Variants in MACROD2 observed in about 807,000 individuals in gnomAD.
MACROD2 encodes the protein mono-ADP ribosylhydrolase 2.
A neutral mutation model predicts 70.4 loss-of-function variants in MACROD2; 36 were observed. The observed-to-expected ratio is 0.51, with a 90% confidence interval of 0.39 to 0.68. The LOEUF (loss-of-function observed/expected upper bound fraction) is 0.68. Ranked by LOEUF, MACROD2 falls within the 30% of genes least tolerant of loss-of-function variation. MACROD2 has a pLI of 0.00. For synonymous variants in MACROD2, 172 were observed against 178.8 expected (o/e 0.96, Z 0.30); for missense variants, 496 against 538.4 (o/e 0.92, Z 0.78).
At chr20:15,363,395 A>C (rs1321507455) in intron 6 of MACROD2, among the ~76,000 whole-genome samples, 1 of 152,232 alleles carries the variant, frequency 6.6e-6, no homozygotes, top group Non-Finnish European at 1.5e-5. Flanking sequence ...GCATGGTGGA[A>C]AACAGACATT....
intron 3 of MACROD2, among the ~76,000 whole-genome samples, chr20:14,361,823 A>G (rs999131865): frequency 2.0e-5 from 3 of 152,214 alleles, no homozygotes; most frequent in Non-Finnish European, 4.4e-5. Flanking sequence ...AAAAAGACTC[A>G]GTAGCTAGGC....
At chr20:15,303,368 A>G (rs1408853292) in intron 6 of MACROD2, among the ~76,000 whole-genome samples, 1 of 152,118 alleles carries the variant, frequency 6.6e-6, no homozygotes, top group Non-Finnish European at 1.5e-5. Context: ...CAACATTCCC[A>G]TCTGTGCTCC....
chr20:15,893,501 G>A, intron 10 of MACROD2: 1 of 350,446 alleles, frequency 2.9e-6, no homozygotes, highest in South Asian at 2.2e-5. Flanking sequence ...TTTTTGCATT[G>A]AATGGGCAGG....
intron 8 of MACROD2, among the ~76,000 whole-genome samples, chr20:15,828,657 T>C (rs2064023165): frequency 6.6e-6 from 1 of 152,190 alleles, no homozygotes; most frequent in South Asian, 2.1e-4. Flanking sequence ...CATGAGTAGA[T>C]TGGGTTCACT....
chr20:14,369,174 A>G (rs2122740637), intron 3 of MACROD2, among the ~76,000 whole-genome samples: 2 of 152,344 alleles, frequency 1.3e-5, no homozygotes, highest in Middle Eastern at 6.8e-3. Context: ...TTTACCTTAC[A>G]GTATTTTCAA....
At chr20:14,094,172 A>G (rs1424422314) in intron 3 of MACROD2, among the ~76,000 whole-genome samples, 1 of 152,130 alleles carries the variant, frequency 6.6e-6, no homozygotes. Context: ...TTCAGCTTAA[A>G]TAAGTCTGAT....
chr20:15,880,060 A>C (rs6110811), intron 9 of MACROD2, among the ~76,000 whole-genome samples: 56 of 152,040 alleles, frequency 3.7e-4, no homozygotes, highest in African/African-American at 1.3e-3. Context: ...AGGCTCACTC[A>C]CATCAGGGAG....
At chr20:15,040,819 T>C (rs1188324921) in intron 5 of MACROD2, among the ~76,000 whole-genome samples, 1 of 152,220 alleles carries the variant, frequency 6.6e-6, no homozygotes, top group African/African-American at 2.4e-5. Context: ...GTAATATATT[T>C]AAGTAACTCT....
At chr20:14,630,690 C>T (rs1402939602) in intron 4 of MACROD2, among the ~76,000 whole-genome samples, 1 of 152,056 alleles carries the variant, frequency 6.6e-6, no homozygotes, top group Non-Finnish European at 1.5e-5. Flanking sequence ...AAAATAAATT[C>T]ATTTAGGCAT....
intron 5 of MACROD2, among the ~76,000 whole-genome samples, chr20:14,988,328 T>A (rs1410357422): frequency 7.6e-6 from 1 of 131,056 alleles, no homozygotes; most frequent in Non-Finnish European, 1.5e-5. Flanking sequence ...TGTGCCACTG[T>A]ACTCCAGCCA....
chr20:14,533,045 G>A (rs2085325123), intron 4 of MACROD2, among the ~76,000 whole-genome samples: 1 of 152,130 alleles, frequency 6.6e-6, no homozygotes. Flanking sequence ...CTTGCTGGGT[G>A]CCATGTAATA....
intron 6 of MACROD2, among the ~76,000 whole-genome samples, chr20:15,291,019 G>T (rs960823726): frequency 3.3e-5 from 5 of 152,172 alleles, no homozygotes; most frequent in Non-Finnish European, 5.9e-5. Flanking sequence ...AAGACAGGGC[G>T]GTAGGAGAAA....
At chr20:15,917,965 G>T (rs985540862) in intron 10 of MACROD2, among the ~76,000 whole-genome samples, 1 of 152,054 alleles carries the variant, frequency 6.6e-6, no homozygotes, top group East Asian at 1.9e-4. Context: ...GCCCAAACCT[G>T]TAGTACTGCA....
chr20:14,015,261 A>G (rs1390621156), intron 2 of MACROD2, among the ~76,000 whole-genome samples: 3 of 152,138 alleles, frequency 2.0e-5, no homozygotes, highest in Non-Finnish European at 4.4e-5. Flanking sequence ...ACCAGTATCC[A>G]TTTTCACAAT....
chr20:14,203,939 T>A (rs1479274809), intron 3 of MACROD2, among the ~76,000 whole-genome samples: 1 of 151,608 alleles, frequency 6.6e-6, no homozygotes, highest in African/African-American at 2.4e-5. Flanking sequence ...GCAGGGTGGG[T>A]TAGGCGGGCA....
chr20:15,092,345 T>C (rs1405843744), intron 5 of MACROD2, among the ~76,000 whole-genome samples: 1 of 150,100 alleles, frequency 6.7e-6, no homozygotes, highest in African/African-American at 2.4e-5. Flanking sequence ...TAATAATATG[T>C]TTAAGTATAA....
chr20:15,734,700 T>A (rs376166977), intron 8 of MACROD2, among the ~76,000 whole-genome samples: 8 of 152,306 alleles, frequency 5.3e-5, no homozygotes, highest in African/African-American at 1.9e-4. Context: ...TTTTATATAA[T>A]TTCTGGCATA....
chr20:15,291,890 G>C (rs1802683615), intron 6 of MACROD2, among the ~76,000 whole-genome samples: 1 of 152,088 alleles, frequency 6.6e-6, no homozygotes, highest in Admixed American at 6.5e-5. Flanking sequence ...CCAATGCATT[G>C]TAATCCAAAT....
At chr20:14,273,492 G>A (rs1316421533) in intron 3 of MACROD2, among the ~76,000 whole-genome samples, 2 of 147,734 alleles carry the variant, frequency 1.4e-5, no homozygotes, top group Non-Finnish European at 3.0e-5. Flanking sequence ...CACATTCAAA[G>A]CAGTGTGTAG....
Sources: allele counts gnomAD v4.1 joint callset (sites outside exome capture counted in the v4.1 genomes callset), GRCh38; gene constraint gnomAD v4.1.1; transcripts MANE v1.5; gene names NCBI Gene and HGNC (gene_info 2026-07-23, HGNC 2026-07-21).